The following RHBDL2 variants were observed in gnomAD, a reference collection of about 807,000 sequenced individuals.
RHBDL2 encodes the protein rhomboid like 2.
RHBDL2 carries 26 observed loss-of-function variants against 31.7 expected under a neutral mutation model. The ratio of observed to expected loss-of-function variants is 0.82; its 90% CI spans 0.60 to 1.14. The LOEUF (loss-of-function observed/expected upper bound fraction) is 1.14. RHBDL2 is among the 50% of genes most tolerant of loss of function. The pLI, the probability that RHBDL2 is intolerant of heterozygous loss-of-function variation, is 0.00. For synonymous variants in RHBDL2, 123 were observed against 127.2 expected (o/e 0.97, Z 0.22); for missense variants, 336 against 364.4 (o/e 0.92, Z 0.63).
intron 3 of RHBDL2, 73 bp downstream of exon 3, chr1:38,915,489 G>A (rs1028259622): frequency 2.0e-6 from 3 of 1,480,908 alleles, no homozygotes; most frequent in African/African-American, 1.4e-5. Flanking sequence ...CAATAATAAA[G>A]CACTCAACAA....
chr1:38,938,955 A>T (rs1323144941), intron 1 of RHBDL2, among the ~76,000 whole-genome samples: 1 of 152,224 alleles, frequency 6.6e-6, no homozygotes, highest in Non-Finnish European at 1.5e-5. Context: ...TCATTTACTC[A>T]CAAAGAATTC....
In RHBDL2 at chr1:38,926,079, C is replaced by T. The variant is rs1455320186; in HGVS notation, c.-125-6742G>A. 6 of 1,236,476 alleles carry T rather than the reference C, an allele frequency of 4.9e-6. No homozygotes were observed. In the South Asian group the frequency reaches 5.4e-5, roughly 11 times the overall value. The allele number at this position is 1,236,476 out of a possible 1,614,324, so 76.6% of individuals were successfully genotyped here. On this transcript the variant is annotated intron_variant, in intron 1 of 7. Transcript: ENST00000372990. ...TCTTCTCCTGGTGGGCAGCAGGAAA[C>T]GGATCCCACTACAGACATTAACCAT...
At position 38,940,525 on chromosome 1, in the gene RHBDL2, G is replaced by A. The variant is rs542353481; in HGVS notation, c.-126+1157C>T. On this transcript the variant is annotated intron_variant, in intron 1 of 7. Transcript: ENST00000372990. ...TCCCTCTCCCTTCACCACTCCACCC[G>A]TCACTGGCCAGTTCTGTTTACACGC... 4.0e-4 allele frequency among the ~76,000 whole-genome samples: 61 copies of A among 152,170 alleles called. 1 individual carries two copies. The South Asian group carries it at 0.012, about 31-fold the overall frequency.
chr1:38,888,357 G>T (rs192235282), intron 6 of RHBDL2, among the ~76,000 whole-genome samples: 1 of 152,028 alleles, frequency 6.6e-6, no homozygotes, highest in Non-Finnish European at 1.5e-5. Flanking sequence ...GGGGTATGTG[G>T]GGGGGTGATT....
chr1:38,932,649 G>T (rs916245288), intron 1 of RHBDL2, among the ~76,000 whole-genome samples: 11 of 152,084 alleles, frequency 7.2e-5, no homozygotes, highest in Non-Finnish European at 1.5e-4. Flanking sequence ...TTGTAGAGAT[G>T]GGGTTTTGCC....
At chr1:38,922,119 C>T (rs1643323427) in intron 1 of RHBDL2, among the ~76,000 whole-genome samples, 1 of 152,102 alleles carries the variant, frequency 6.6e-6, no homozygotes, top group Admixed American at 6.6e-5. Context: ...ATTTCCTGTG[C>T]TGCAAAGATA....
intron 6 of RHBDL2, among the ~76,000 whole-genome samples, chr1:38,891,310 A>G (rs375548850): frequency 1.3e-5 from 2 of 151,756 alleles, no homozygotes; most frequent in African/African-American, 2.4e-5. Flanking sequence ...TATACACATT[A>G]CATATTACAT....
intron 1 of RHBDL2, among the ~76,000 whole-genome samples, chr1:38,923,494 G>A (rs1035517437): frequency 1.3e-5 from 2 of 152,112 alleles, no homozygotes; most frequent in Non-Finnish European, 2.9e-5. Context: ...AAATCTAATC[G>A]AAGGTCATGT....
intron 4 of RHBDL2, among the ~76,000 whole-genome samples, chr1:38,906,339 C>T (rs1009308127): frequency 3.9e-5 from 6 of 152,070 alleles, no homozygotes; most frequent in African/African-American, 1.4e-4. Context: ...AAAACAAAAA[C>T]CCTACTACTA....
intron 2 of RHBDL2, 95 bp downstream of exon 2, chr1:38,918,872 T>G (rs1032963118): frequency 6.8e-7 from 1 of 1,465,578 alleles, no homozygotes; most frequent in African/African-American, 1.4e-5. Flanking sequence ...CTCTCCCATG[T>G]TCCCAGTCTC....
At chr1:38,929,541 T>C (rs561816632) in intron 1 of RHBDL2, 3 of 1,289,352 alleles carry the variant, frequency 2.3e-6, no homozygotes, top group East Asian at 5.5e-5. Flanking sequence ...ATCTGAATTG[T>C]TTTTTCTAAA....
At chr1:38,919,451 A>C in intron 1 of RHBDL2, 114 bp from the exon 2 acceptor site, 2 of 970,618 alleles carry the variant, frequency 2.1e-6, no homozygotes, top group Non-Finnish European at 2.9e-6. Context: ...GACTGAGATT[A>C]AAATGCAGCT....
intron 4 of RHBDL2, among the ~76,000 whole-genome samples, chr1:38,906,400 C>T (rs910689832): frequency 2.6e-5 from 4 of 152,048 alleles, no homozygotes; most frequent in Non-Finnish European, 5.9e-5. Context: ...ACAGGCCGGG[C>T]GCAGTGGCTC....
intron 4 of RHBDL2, among the ~76,000 whole-genome samples, chr1:38,900,307 C>T (rs1403768252): frequency 6.6e-6 from 1 of 152,006 alleles, no homozygotes; most frequent in Non-Finnish European, 1.5e-5. Flanking sequence ...ATAATCCCAG[C>T]TACTCGGGAG....
At chr1:38,887,875 C>A in intron 7 of RHBDL2, 88 bp downstream of exon 7, 1 of 952,712 alleles carries the variant, frequency 1.0e-6, no homozygotes, top group Non-Finnish European at 1.6e-6. Flanking sequence ...TTTGGCTGCC[C>A]TAAATCACAG....
chr1:38,924,823 C>T (rs1209153786), intron 1 of RHBDL2, among the ~76,000 whole-genome samples: 1 of 136,554 alleles, frequency 7.3e-6, no homozygotes, highest in African/African-American at 2.8e-5. Flanking sequence ...GCTCTTGTTG[C>T]CAGGCTGGAG....
intron 3 of RHBDL2, among the ~76,000 whole-genome samples, chr1:38,911,994 G>T (rs868336623): frequency 2.0e-5 from 3 of 150,530 alleles, no homozygotes; most frequent in African/African-American, 7.3e-5. Context: ...TTTGGTAGAC[G>T]GAGTTTTGCT....
At chr1:38,913,490 CCTTT>C (rs1433896204) in intron 3 of RHBDL2, 4 of 151,504 alleles carry the variant, frequency 2.6e-5, no homozygotes, top group Non-Finnish European at 5.9e-5. Flanking sequence ...AAAGTGTCAT[CCTTT>C]CTATTTTATT....
chr1:38,912,901 T>G (rs986115654), intron 3 of RHBDL2, among the ~76,000 whole-genome samples: 1 of 39,154 alleles, frequency 2.6e-5, no homozygotes, highest in Non-Finnish European at 7.1e-5. Context: ...TATATATATA[T>G]ATATATATAT....
Sources: gnomAD v4.1 joint callset for allele counts (sites outside exome capture counted in the v4.1 genomes callset) on GRCh38, gnomAD v4.1.1 for gene constraint, MANE v1.5 for transcripts, NCBI Gene and HGNC (gene_info 2026-07-23, HGNC 2026-07-21) for gene names.